ANTXR2: variants seen among roughly 807,000 people sequenced by gnomAD.
ANTXR2 encodes the protein ANTXR cell adhesion molecule 2.
ANTXR2 carries 44 observed loss-of-function variants against 73.7 expected under a neutral mutation model. That is an observed-to-expected ratio of 0.60 (90% CI 0.47 to 0.77). The LOEUF (loss-of-function observed/expected upper bound fraction) is 0.77. Ranked by LOEUF, ANTXR2 falls within the 30% of genes least tolerant of loss-of-function variation. ANTXR2 has a pLI of 0.00. For missense variants in ANTXR2, 604 were observed against 592.5 expected (o/e 1.02, Z -0.20); for synonymous variants, 217 against 205.9 (o/e 1.05, Z -0.46).
chr4:80,042,197 GAAC>G (rs1383924874), intron 7 of ANTXR2, among the ~76,000 whole-genome samples: 3 of 151,996 alleles, frequency 2.0e-5, no homozygotes, highest in African/African-American at 4.8e-5. Context: ...GGCCATACTA[GAAC>G]AACAAGCTAC....
intron 14 of ANTXR2, among the ~76,000 whole-genome samples, chr4:79,979,966 G>T (rs1391627926): frequency 6.6e-6 from 1 of 152,130 alleles, no homozygotes; most frequent in Non-Finnish European, 1.5e-5. Context: ...ATAGGCTTTA[G>T]AATAGACAGC....
At chr4:80,013,784 A>G (rs929209151) in intron 11 of ANTXR2, among the ~76,000 whole-genome samples, 2 of 152,202 alleles carry the variant, frequency 1.3e-5, no homozygotes, top group African/African-American at 4.8e-5. Context: ...ATGGAATGGT[A>G]ATATCACTAC....
At chr4:79,947,608 C>G (rs1178971097) in intron 16 of ANTXR2, among the ~76,000 whole-genome samples, 1 of 152,144 alleles carries the variant, frequency 6.6e-6, no homozygotes, top group Non-Finnish European at 1.5e-5. Context: ...AGTGTCTTCT[C>G]CTGATACGCA....
chr4:79,917,288 C>T lies in ANTXR2; in HGVS notation c.1429-9821G>A, dbSNP rs1224822900. On this transcript the variant is annotated intron_variant, in intron 16 of 16. Coordinates refer to ENST00000403729, the MANE Select transcript of ANTXR2 (RefSeq NM_058172.6). ...TCTCAAAGGGAATAGAAGCAGCCCACTGAAGGTTTGGGACATGGCAAGAGG... is the reference window on the plus strand; with the variant it reads ...TCTCAAAGGGAATAGAAGCAGCCCATTGAAGGTTTGGGACATGGCAAGAGG... 2.6e-5 allele frequency among the ~76,000 whole-genome samples: 4 copies of T among 151,990 alleles called. No individual in the cohort carries two copies. The East Asian group carries it at 5.8e-4, about 22-fold the overall frequency.
At chr4:79,996,383 T>C (rs1438221814) in intron 12 of ANTXR2, among the ~76,000 whole-genome samples, 1 of 151,610 alleles carries the variant, frequency 6.6e-6, no homozygotes, top group Non-Finnish European at 1.5e-5. Flanking sequence ...AAATAGATGA[T>C]AGATAATTAC....
intron 15 of ANTXR2, 118 bp from the exon 16 acceptor site, chr4:79,977,819 G>T: frequency 1.6e-6 from 2 of 1,259,630 alleles, no homozygotes; most frequent in Non-Finnish European, 2.2e-6. Flanking sequence ...TCTTTCATAA[G>T]GTAAACTAAT....
At chr4:79,927,315 C>G (rs1236811486) in intron 16 of ANTXR2, among the ~76,000 whole-genome samples, 2 of 151,998 alleles carry the variant, frequency 1.3e-5, no homozygotes. Flanking sequence ...CACACACGCA[C>G]TCACCTGTGC....
chr4:80,007,208 C>G (rs1731344819), intron 12 of ANTXR2, among the ~76,000 whole-genome samples: 2 of 152,110 alleles, frequency 1.3e-5, no homozygotes, highest in African/African-American at 4.8e-5. Context: ...CAAAGCACAT[C>G]TGAAATTGCA....
At chr4:80,019,095 A>T (rs1190147918) in intron 10 of ANTXR2, 119 bp from the exon 11 acceptor site, 1 of 658,104 alleles carries the variant, frequency 1.5e-6, no homozygotes, top group Non-Finnish European at 2.4e-6. Flanking sequence ...TAAGGGTCTC[A>T]AACTCCTGAC....
intron 11 of ANTXR2, among the ~76,000 whole-genome samples, chr4:80,015,405 C>G (rs999178120): frequency 1.3e-5 from 2 of 152,148 alleles, no homozygotes; most frequent in African/African-American, 4.8e-5. Context: ...ACTATTTCTA[C>G]CACCATCAGT....
intron 16 of ANTXR2, among the ~76,000 whole-genome samples, chr4:79,964,267 T>C (rs1326037429): frequency 6.6e-6 from 1 of 152,238 alleles, no homozygotes; most frequent in East Asian, 1.9e-4. Flanking sequence ...CTGCGCTTTC[T>C]TCTTTCTTTG....
chr4:79,957,440 G>A lies in ANTXR2; in HGVS notation c.1428+20181C>T, dbSNP rs1169719648. ...AGAAAACATTGCTGCAAAAAGAAAA[G>A]TATAATGTATCTCAAAGCCAAATTT... On this transcript the variant is annotated intron_variant, in intron 16 of 16. Transcript: ENST00000403729. Among the ~76,000 whole-genome samples the A allele has an allele frequency of 2.0e-5, 3 of 152,006 alleles. No homozygotes were observed. The East Asian group carries it at 5.8e-4, about 29-fold the overall frequency.
At chr4:79,918,061 A>C (rs2109939005) in intron 16 of ANTXR2, among the ~76,000 whole-genome samples, 1 of 152,198 alleles carries the variant, frequency 6.6e-6, no homozygotes, top group Middle Eastern at 3.4e-3. Context: ...GAGAAAATAT[A>C]CAATATCCGA....
intron 12 of ANTXR2, among the ~76,000 whole-genome samples, chr4:80,007,446 G>T (rs1017481530): frequency 6.6e-6 from 1 of 152,122 alleles, no homozygotes; most frequent in Non-Finnish European, 1.5e-5. Flanking sequence ...CTTGAAATGT[G>T]TAGAATGATA....
chr4:79,976,463 G>A (rs945727215), intron 16 of ANTXR2, among the ~76,000 whole-genome samples: 1 of 129,510 alleles, frequency 7.7e-6, no homozygotes. Flanking sequence ...CCATTGCCAT[G>A]GCAACACCCA....
intron 11 of ANTXR2, among the ~76,000 whole-genome samples, chr4:80,018,320 T>C (rs1265018736): frequency 6.6e-6 from 1 of 152,110 alleles, no homozygotes; most frequent in Non-Finnish European, 1.5e-5. Flanking sequence ...AGGAAGAAAA[T>C]GTCTACTGAA....
chr4:79,951,847 A>C (rs1728720480), intron 16 of ANTXR2, among the ~76,000 whole-genome samples: 1 of 152,196 alleles, frequency 6.6e-6, no homozygotes, highest in African/African-American at 2.4e-5. Context: ...ATGTCCAGAC[A>C]ATTCATTTAG....
At chr4:80,037,782 C>G (rs919359267) in intron 7 of ANTXR2, among the ~76,000 whole-genome samples, 4 of 151,946 alleles carry the variant, frequency 2.6e-5, no homozygotes, top group Admixed American at 2.0e-4. Flanking sequence ...AAAAGATTTG[C>G]AAAGGAATAT....
At chr4:79,929,028 T>C (rs1343944191) in intron 16 of ANTXR2, among the ~76,000 whole-genome samples, 1 of 152,144 alleles carries the variant, frequency 6.6e-6, no homozygotes, top group Non-Finnish European at 1.5e-5. Context: ...AGGGTACAAT[T>C]ATCCTAATAA....
Sources: allele counts gnomAD v4.1 joint callset (sites outside exome capture counted in the v4.1 genomes callset), GRCh38; gene constraint gnomAD v4.1.1; transcripts MANE v1.5; gene names NCBI Gene and HGNC (gene_info 2026-07-23, HGNC 2026-07-21).